The following VPS53 variants were observed in gnomAD, a reference collection of about 807,000 sequenced individuals.
The protein encoded by VPS53 is vacuolar protein sorting-associated protein 53 homolog.
Under a neutral mutation model 107.0 loss-of-function variants are expected in VPS53, and 70 were observed. The observed-to-expected ratio is 0.65, with a 90% CI of 0.54 to 0.80. The LOEUF (loss-of-function observed/expected upper bound fraction) is 0.80. Ranked by LOEUF, VPS53 falls within the 30% of genes least tolerant of loss-of-function variation. VPS53 has a pLI of 0.00. For synonymous variants in VPS53, 409 were observed against 393.3 expected, an observed-to-expected ratio of 1.04 and a Z score of -0.47; for missense variants, 917 against 1,049.4, an observed-to-expected ratio of 0.87 and a Z score of 1.74.
intron 6 of VPS53, among the ~76,000 whole-genome samples, chr17:654,448 G>A (rs367736641): frequency 5.3e-5 from 8 of 151,700 alleles, no homozygotes; most frequent in African/African-American, 1.9e-4. Flanking sequence ...CATTGAAAAA[G>A]ACAGGATTGG....
intron 12 of VPS53, among the ~76,000 whole-genome samples, chr17:599,151 C>T: frequency 6.7e-6 from 1 of 149,492 alleles, no homozygotes; most frequent in Non-Finnish European, 1.5e-5. Context: ...CCCCGCCCGG[C>T]CAGCCGCCCC....
At chr17:628,568 G>A (rs998716811) in intron 8 of VPS53, among the ~76,000 whole-genome samples, 3 of 152,182 alleles carry the variant, frequency 2.0e-5, no homozygotes, top group Admixed American at 6.5e-5. Context: ...CTCTGATGTC[G>A]CAAGATGCTG....
chr17:696,375 G>T (rs1235288755), intron 4 of VPS53, among the ~76,000 whole-genome samples: 1 of 152,192 alleles, frequency 6.6e-6, no homozygotes, highest in Non-Finnish European at 1.5e-5. Context: ...AGGATTATAT[G>T]CTCCTCCCAC....
At chr17:626,654 G>C (rs891577992) in intron 10 of VPS53, among the ~76,000 whole-genome samples, 1 of 152,166 alleles carries the variant, frequency 6.6e-6, no homozygotes, top group Non-Finnish European at 1.5e-5. Flanking sequence ...TCCAGCCTGG[G>C]TGACAGAGTG....
intron 17 of VPS53, among the ~76,000 whole-genome samples, chr17:548,345 G>A (rs985252124): frequency 6.6e-6 from 1 of 151,062 alleles, no homozygotes; most frequent in Non-Finnish European, 1.5e-5. Flanking sequence ...ATCATCCAAT[G>A]ACTACACTCC....
At chr17:560,130 G>C (rs1349163462) in intron 15 of VPS53, among the ~76,000 whole-genome samples, 1 of 152,232 alleles carries the variant, frequency 6.6e-6, no homozygotes, top group Non-Finnish European at 1.5e-5. Flanking sequence ...TCTCATATGG[G>C]TTGGAGTGCT....
chr17:690,726 A>G (rs1248958872), intron 4 of VPS53, among the ~76,000 whole-genome samples: 1 of 150,458 alleles, frequency 6.6e-6, no homozygotes, highest in Non-Finnish European at 1.5e-5. Flanking sequence ...AATAGTGTCT[A>G]AAATAAAAAA....
intron 4 of VPS53, among the ~76,000 whole-genome samples, chr17:689,539 T>C (rs9909423): frequency 4.1e-4 from 59 of 144,440 alleles, no homozygotes; most frequent in African/African-American, 1.5e-3. Flanking sequence ...AGTGGCACCA[T>C]CTCAGCTCAC....
chr17:713,583 C>T (rs1346882615), intron 1 of VPS53, among the ~76,000 whole-genome samples: 4 of 151,434 alleles, frequency 2.6e-5, no homozygotes, highest in South Asian at 2.1e-4. Context: ...AACCTGGAAG[C>T]GGAGGTTGCA....
At chr17:610,127 T>TCACA (rs200106767) in intron 11 of VPS53, among the ~76,000 whole-genome samples, 26 of 134,612 alleles carry the variant, frequency 1.9e-4, no homozygotes, top group African/African-American at 6.1e-4. Context: ...TGAGACTCCG[T>TCACA]CACACACACA....
At chr17:676,883 G>A (rs1463745706) in intron 4 of VPS53, among the ~76,000 whole-genome samples, 1 of 151,150 alleles carries the variant, frequency 6.6e-6, no homozygotes, top group Non-Finnish European at 1.5e-5. Context: ...TCCATGAGTA[G>A]GCACTACATA....
chr17:607,397 ATAAAAGT>A, intron 11 of VPS53, among the ~76,000 whole-genome samples: 1 of 152,166 alleles, frequency 6.6e-6, no homozygotes, highest in Non-Finnish European at 1.5e-5. Flanking sequence ...CTCCCTGTTG[ATAAAAGT>A]CCTAAAACCC....
At chr17:662,166 G>A (rs1971461685) in intron 4 of VPS53, among the ~76,000 whole-genome samples, 1 of 152,172 alleles carries the variant, frequency 6.6e-6, no homozygotes, top group Non-Finnish European at 1.5e-5. Flanking sequence ...TACTGTACAT[G>A]TTATTGATAA....
chr17:589,780 C>G (rs1241801207), intron 12 of VPS53, among the ~76,000 whole-genome samples: 1 of 152,028 alleles, frequency 6.6e-6, no homozygotes, highest in Non-Finnish European at 1.5e-5. Flanking sequence ...GTTACTGTAG[C>G]CTTGTAGTAT....
At chr17:676,892 T>C (rs367933703) in intron 4 of VPS53, among the ~76,000 whole-genome samples, 2 of 151,236 alleles carry the variant, frequency 1.3e-5, no homozygotes, top group South Asian at 4.2e-4. Flanking sequence ...AGGCACTACA[T>C]ACAAAAGCTT....
intron 13 of VPS53, among the ~76,000 whole-genome samples, chr17:570,701 C>T (rs1913958868): frequency 6.6e-6 from 1 of 152,070 alleles, no homozygotes; most frequent in South Asian, 2.1e-4. Context: ...GAGAGCTATT[C>T]AAACAAATAA....
chr17:555,586 C>T (rs995732716), intron 15 of VPS53, among the ~76,000 whole-genome samples: 3 of 152,296 alleles, frequency 2.0e-5, no homozygotes, highest in South Asian at 2.1e-4. Flanking sequence ...CCACCCACCT[C>T]GGCCTCCCAA....
At position 648,506 on chromosome 17, in the gene VPS53, G is replaced by T. The variant is rs147048413; in HGVS notation, c.608+4785C>A. ...GCGGCGATTGCAGTGAGCTGAGATT[G>T]TGCCACTGCACTCCAGCCTGGGCGA... On this transcript the variant is annotated intron_variant, in intron 7 of 21. Coordinates refer to ENST00000437048, the MANE Select transcript of VPS53 (RefSeq NM_001128159.3). Among the ~76,000 whole-genome samples, 735 of 152,314 alleles carry T rather than the reference G, an allele frequency of 4.8e-3. 6 individuals are homozygous for T. Among genetic ancestry groups the T allele is most frequent in the African/African-American group, 0.017 (702 of 41,568 alleles).
intron 13 of VPS53, among the ~76,000 whole-genome samples, chr17:585,215 G>A (rs1034757037): frequency 4.6e-5 from 7 of 152,230 alleles, no homozygotes; most frequent in African/African-American, 1.4e-4. Flanking sequence ...AATGTGATGT[G>A]CCTCTTGACA....
Sources: gnomAD v4.1 joint callset for allele counts (sites outside exome capture counted in the v4.1 genomes callset) on GRCh38, gnomAD v4.1.1 for gene constraint, MANE v1.5 for transcripts, NCBI Gene and HGNC (gene_info 2026-07-23, HGNC 2026-07-21) for gene names.